The following PPP1R8 variants were observed in gnomAD, a reference collection of about 807,000 sequenced individuals.
The protein encoded by PPP1R8 is protein phosphatase 1 regulatory subunit 8.
In PPP1R8, 4 loss-of-function variants were observed where a neutral mutation model predicts 31.3. The ratio of observed to expected loss-of-function variants is 0.13; its 90% CI spans 0.06 to 0.29. The LOEUF is 0.29. Ranked by LOEUF, PPP1R8 falls within the 10% of genes least tolerant of loss-of-function variation. The pLI is 1.00. For synonymous variants in PPP1R8, 170 were observed against 169.7 expected (o/e 1.00, Z -0.01); for missense variants, 254 against 440.1 (o/e 0.58, Z 3.78).
At chr1:27,840,086 A>C (rs1454007982) in intron 3 of PPP1R8, among the ~76,000 whole-genome samples, 1 of 152,180 alleles carries the variant, frequency 6.6e-6, no homozygotes, top group African/African-American at 2.4e-5. Context: ...ATACTCCATA[A>C]GTATTAATTA....
At chr1:27,836,021 G>C (rs1557427057) in intron 2 of PPP1R8, among the ~76,000 whole-genome samples, 2 of 152,164 alleles carry the variant, frequency 1.3e-5, no homozygotes, top group African/African-American at 2.4e-5. Context: ...GTTTTGTAAG[G>C]GGATAATAGC....
chr1:27,841,804 G>A (rs578230193), intron 4 of PPP1R8, among the ~76,000 whole-genome samples: 98 of 152,210 alleles, frequency 6.4e-4, no homozygotes, highest in Non-Finnish European at 4.6e-4. Context: ...CATGGGCCTC[G>A]CTGTCCTGAG....
At chr1:27,832,040 G>C (rs1190819955) in intron 1 of PPP1R8, among the ~76,000 whole-genome samples, 3 of 152,170 alleles carry the variant, frequency 2.0e-5, no homozygotes, top group Non-Finnish European at 1.5e-5. Flanking sequence ...TTTGGGCCGA[G>C]ATAGCAAACA....
chr1:27,830,849 C>G lies in PPP1R8; in HGVS notation c.14C>G (p.Ala5Gly), dbSNP rs1011477052. ...GGGAGACGCAAGATGGCGGCAGCCG[C>G]GAACTCCGGCTCTAGCCTCCCGCTG... is the stretch of plus-strand genomic sequence containing the variant. MAAA[A>G]NSGSSLPLFD... The change falls in exon 1 of 7, where the codon GCG becomes GGG. Residue 5 changes from alanine to glycine, a missense_variant. Physicochemically the swap from Ala to Gly is moderately conservative, Grantham distance 60. Around this residue, in one of 6 missense-constraint regions of PPP1R8, gnomAD observed 38 missense variants for 18.6 expected, o/e 2.04. Transcript: ENST00000311772. 1.3e-6 allele frequency: 2 copies of G among 1,576,094 alleles called. No homozygotes were observed. The highest frequency in any genetic ancestry group is 3.7e-5 in the Admixed American group (2 of 54,460).
intron 2 of PPP1R8, 41 bp from the exon 3 acceptor site, chr1:27,838,658 G>T: frequency 7.6e-7 from 1 of 1,319,894 alleles, no homozygotes. Context: ...AAATGCTGTT[G>T]AAACAAGATT....
intron 2 of PPP1R8, among the ~76,000 whole-genome samples, chr1:27,836,335 C>T (rs769210748): frequency 2.6e-5 from 4 of 152,272 alleles, no homozygotes; most frequent in South Asian, 4.1e-4. Flanking sequence ...AGTTTATAAC[C>T]GATCTGTGGC....
intron 2 of PPP1R8, among the ~76,000 whole-genome samples, chr1:27,838,055 CAAAAA>C (rs1416439497): frequency 6.6e-6 from 1 of 151,630 alleles, no homozygotes; most frequent in Non-Finnish European, 1.5e-5. Flanking sequence ...ACTAAAGATA[CAAAAA>C]ATTAGCCGGG....
At chr1:27,831,217 C>G (rs187580280) in intron 1 of PPP1R8, 166 of 1,097,036 alleles carry the variant, frequency 1.5e-4, no homozygotes, top group Non-Finnish European at 1.7e-4. Context: ...GCCTGGTGCT[C>G]TCGTGGAGCA....
chr1:27,837,723 C>T (rs566924476), intron 2 of PPP1R8, among the ~76,000 whole-genome samples: 37 of 149,186 alleles, frequency 2.5e-4, no homozygotes, highest in African/African-American at 8.7e-4. Context: ...TGCAGTGAGC[C>T]GAGATCGCAC....
In PPP1R8 at chr1:27,851,626, GCTCCATCC is replaced by G; in HGVS notation, c.*1182_*1189del. 2.0e-6 allele frequency: 1 copy of G among 501,112 alleles called. No individual in the cohort carries two copies. Among genetic ancestry groups the G allele is most frequent in the South Asian group, 1.5e-5 (1 of 68,206 alleles). The allele number at this position is 501,112 out of a possible 1,614,324, so 31.0% of individuals were successfully genotyped here. ...ACAGTCACTGGGCTTGGGAGGCAATGCTCCATCCCCATTATATTACAAATAAAGATGCC... is the reference window on the plus strand; with the variant it reads ...ACAGTCACTGGGCTTGGGAGGCAATGCCATTATATTACAAATAAAGATGCC... On this transcript the variant is annotated 3_prime_UTR_variant, in exon 7 of 7. Transcript: ENST00000311772.
Position 27,841,144 on chromosome 1 carries a change from A to G in PPP1R8, c.402A>G (p.Pro134=), listed in dbSNP as rs752309976. ...TGCGCGAGAAGCCTCAGACATTGCC[A>G]TCGGCTGTGAAAGGAGATGAGAAGA... The part of the protein sequence containing the change: ...YTLREKPQTL[P]SAVKGDEKMG... Residue 134 remains proline (P), a synonymous_variant, in exon 4 of 7, where the codon CCA becomes CCG. Coordinates refer to ENST00000311772, the MANE Select transcript of PPP1R8 (RefSeq NM_014110.5). The G allele has an allele frequency of 2.5e-6, 4 of 1,614,116 alleles. No individual in the cohort carries two copies. Among genetic ancestry groups the G allele is most frequent in the South Asian group, 2.2e-5 (2 of 91,092 alleles).
Position 27,841,117 on chromosome 1 carries a change from T to G in PPP1R8, c.375T>G (p.Thr125=). 1 of 1,614,100 alleles carries G rather than the reference T, an allele frequency of 6.2e-7. No homozygotes were observed. Among genetic ancestry groups the G allele is most frequent in the Non-Finnish European group, 8.5e-7 (1 of 1,180,020 alleles). ...TTGGCGCATCCACAAGGGCATACAC[T>G]CTGCGCGAGAAGCCTCAGACATTGC... ...VSFGASTRAY[T]LREKPQTLPS... is the part of the protein sequence containing the mutation. The change falls in exon 4 of 7, where the codon ACT becomes ACG. Residue 125 remains threonine, a synonymous_variant. Transcript: ENST00000311772.
intron 2 of PPP1R8, among the ~76,000 whole-genome samples, chr1:27,837,999 C>CGGGGGGGG (rs1348929774): frequency 6.6e-6 from 1 of 151,874 alleles, no homozygotes; most frequent in Non-Finnish European, 1.5e-5. Flanking sequence ...ATCATAAGGT[C>CGGGGGGGG]GGGAGTTCGA....
intron 2 of PPP1R8, among the ~76,000 whole-genome samples, chr1:27,835,732 G>A (rs974734379): frequency 3.3e-5 from 5 of 152,182 alleles, no homozygotes; most frequent in African/African-American, 1.2e-4. Context: ...AATATATAAT[G>A]TGGTTAAAAC....
At chr1:27,846,980 C>A (rs1268238973) in intron 5 of PPP1R8, 48 bp from the exon 6 acceptor site, 1 of 1,500,570 alleles carries the variant, frequency 6.7e-7, no homozygotes, top group South Asian at 1.1e-5. Flanking sequence ...TGCCCTTATT[C>A]CTCCCAGTAA....
chr1:27,832,883 C>A, intron 2 of PPP1R8, 67 bp downstream of exon 2: 2 of 1,317,254 alleles, frequency 1.5e-6, no homozygotes, highest in Non-Finnish European at 2.2e-6. Context: ...ACTCACTTTT[C>A]CACCCCCTCT....
At chr1:27,846,845 T>G (rs2089286317) in intron 5 of PPP1R8, among the ~76,000 whole-genome samples, 183 bp from the exon 6 acceptor site, 1 of 152,240 alleles carries the variant, frequency 6.6e-6, no homozygotes, top group East Asian at 1.9e-4. Flanking sequence ...ATGTTGATTG[T>G]GGTAGTACCT....
At chr1:27,849,678 G>A (rs2089320947) in intron 6 of PPP1R8, among the ~76,000 whole-genome samples, 1 of 152,044 alleles carries the variant, frequency 6.6e-6, no homozygotes. Context: ...TAGTAGAGAT[G>A]GGGTTTTGCC....
Position 27,850,425 on chromosome 1 carries a change from C to T in PPP1R8, c.1035C>T (p.Pro345=), listed in dbSNP as rs1321624011. The change falls in exon 7 of 7, where the codon CCC becomes CCT. Residue 345 remains proline (P), a synonymous_variant. Coordinates refer to ENST00000311772, the MANE Select transcript of PPP1R8 (RefSeq NM_014110.5). ...YAKEAWPGKK[P]TPSLLI ...AAGAGGCTTGGCCAGGCAAGAAGCC[C>T]ACACCTTCCTTGCTGATTTGATATT... 2 of 1,540,542 alleles carry T rather than the reference C, an allele frequency of 1.3e-6. No individual in the cohort carries two copies. Among genetic ancestry groups the T allele is most frequent in the Non-Finnish European group, 1.8e-6 (2 of 1,132,244 alleles).
Sources: gnomAD v4.1 joint callset for allele counts (sites outside exome capture counted in the v4.1 genomes callset) on GRCh38, gnomAD v4.1.1 for gene constraint, gnomAD v4.1.1 regional missense constraint, MANE v1.5 for transcripts, NCBI Gene and HGNC (gene_info 2026-07-23, HGNC 2026-07-21) for gene names.